Variants in ANXA5 observed in about 807,000 individuals in gnomAD.
ANXA5 encodes the protein annexin A5.
In ANXA5, 40 loss-of-function variants were observed where a neutral mutation model predicts 48.1. The ratio of observed to expected loss-of-function variants is 0.83; its 90% CI spans 0.65 to 1.08. The LOEUF (loss-of-function observed/expected upper bound fraction) is 1.08, where lower values mean the gene tolerates loss of function less well. ANXA5 is among the 50% of genes least tolerant of loss of function. ANXA5 has a pLI of 0.00. For missense variants in ANXA5, 357 were observed against 376.8 expected (o/e 0.95, Z 0.44); for synonymous variants, 113 against 129.1 (o/e 0.88, Z 0.85).
intron 8 of ANXA5, among the ~76,000 whole-genome samples, chr4:121,674,206 GA>G (rs1473315180): frequency 7.4e-5 from 7 of 95,236 alleles, no homozygotes; most frequent in Admixed American, 5.3e-4. Context: ...AGGGGAGGGA[GA>G]GGGGCGGAAA....
At chr4:121,680,717 C>G (rs967887671) in intron 6 of ANXA5, among the ~76,000 whole-genome samples, 1 of 152,110 alleles carries the variant, frequency 6.6e-6, no homozygotes, top group Admixed American at 6.6e-5. Context: ...ACGTCAACAT[C>G]CCCAGAAAGA....
intron 5 of ANXA5, 122 bp from the exon 6 acceptor site, chr4:121,681,883 T>A (rs1237778108): frequency 1.6e-6 from 1 of 620,170 alleles, no homozygotes; most frequent in Non-Finnish European, 2.8e-6. Flanking sequence ...ATAACATGGA[T>A]TTCTTTGTAT....
Position 121,684,822 on chromosome 4 carries a change from C to T in ANXA5, c.95-51G>A, listed in dbSNP as rs749720098. 16 of 1,443,636 alleles carry T rather than the reference C, an allele frequency of 1.1e-5. No homozygotes were observed. The East Asian group carries it at 3.2e-4, about 29-fold the overall frequency. 89.4% of individuals were successfully genotyped at this position (1,443,636 alleles called of 1,614,324 possible). On this transcript the variant is annotated intron_variant, in intron 3 of 12. Transcript: ENST00000296511. ...TTTTGGCTCCTACATGCATACTCTCCCAACGATCTTGGCAACTCGCTTCCC... is the reference window on the plus strand; with the variant it reads ...TTTTGGCTCCTACATGCATACTCTCTCAACGATCTTGGCAACTCGCTTCCC...
At chr4:121,672,787 C>CT (rs1724634327) in intron 8 of ANXA5, among the ~76,000 whole-genome samples, 161 bp from the exon 9 acceptor site, 1 of 152,176 alleles carries the variant, frequency 6.6e-6, no homozygotes, top group African/African-American at 2.4e-5. Flanking sequence ...ACTCAGCTCA[C>CT]TGAGTTTGGA....
In ANXA5 at chr4:121,668,486, G is replaced by A; in HGVS notation, c.945C>T (p.Leu315=). Residue 315 remains leucine, a synonymous_variant, in exon 13 of 13, where the codon CTC becomes CTT. Coordinates refer to ENST00000296511, the MANE Select transcript of ANXA5 (RefSeq NM_001154.4). ...SGDYKKALLL[L]CGEDD ...TGACACGTTAGTCATCTTCTCCACA[G>A]AGCAGCAGAAGAGCTTTCTTATAGT... 1 of 1,613,496 alleles carries A rather than the reference G, an allele frequency of 6.2e-7. No individual in the cohort carries two copies.
At chr4:121,690,326 A>G (rs1329611022) in intron 2 of ANXA5, among the ~76,000 whole-genome samples, 2 of 152,162 alleles carry the variant, frequency 1.3e-5, no homozygotes, top group African/African-American at 4.8e-5. Flanking sequence ...CAAGAAGAAA[A>G]TCCAAGGAGG....
chr4:121,690,288 C>T (rs2110490745), intron 2 of ANXA5, among the ~76,000 whole-genome samples: 1 of 152,210 alleles, frequency 6.6e-6, no homozygotes, highest in Non-Finnish European at 1.5e-5. Context: ...GGGCTCTTAC[C>T]CATGAAGCTA....
chr4:121,686,583 C>CTGTA (rs1724894940), intron 2 of ANXA5, among the ~76,000 whole-genome samples: 1 of 152,290 alleles, frequency 6.6e-6, no homozygotes, highest in African/African-American at 2.4e-5. Flanking sequence ...TCCTGATCAC[C>CTGTA]TGTAATACCA....
Position 121,672,647 on chromosome 4 carries a change from A to G in ANXA5, c.532-21T>C, listed in dbSNP as rs575361087. ...AAAGCCTGCAAAAATTTCAAACTCA[A>G]TTAATAAATTGTTCCTCCATCTCAT... On this transcript the variant is annotated intron_variant, in intron 8 of 12. Transcript: ENST00000296511. 6 of 1,571,144 alleles carry G rather than the reference A, an allele frequency of 3.8e-6. No homozygotes were observed. In the East Asian group the frequency reaches 1.1e-4, roughly 29 times the overall value.
chr4:121,690,472 T>C (rs773795989), intron 2 of ANXA5, among the ~76,000 whole-genome samples: 2 of 152,076 alleles, frequency 1.3e-5, no homozygotes, highest in Non-Finnish European at 2.9e-5. Context: ...AGATCTTTGG[T>C]GGTGTTTAAC....
In ANXA5 at chr4:121,668,661, A is replaced by G. The variant is rs1724561302; in HGVS notation, c.904-134T>C. On this transcript the variant is annotated intron_variant, in intron 12 of 12. Coordinates refer to ENST00000296511, the MANE Select transcript of ANXA5 (RefSeq NM_001154.4). ...GGGTAATCTCTGTGACTTTCACATCAGGAATGTTATGCAGGGAGTTTCCTA... is the reference window on the plus strand; with the variant it reads ...GGGTAATCTCTGTGACTTTCACATCGGGAATGTTATGCAGGGAGTTTCCTA... The G allele has an allele frequency of 4.2e-6, 3 of 711,486 alleles. No individual in the cohort carries two copies. In the Admixed American group the frequency reaches 6.6e-5, roughly 16 times the overall value. 44.1% of individuals were successfully genotyped at this position (711,486 alleles called of 1,614,324 possible). A position where few individuals can be genotyped will look rare whatever the true frequency, so the allele number is the denominator to read the frequency against.
At chr4:121,670,098 T>G in intron 10 of ANXA5, 86 bp from the exon 11 acceptor site, 1 of 940,804 alleles carries the variant, frequency 1.1e-6, no homozygotes, top group East Asian at 2.6e-5. Context: ...GCTTCCTGCT[T>G]ATAGCTCTAC....
chr4:121,676,381 C>T (rs1356117282), intron 8 of ANXA5, among the ~76,000 whole-genome samples: 1 of 152,162 alleles, frequency 6.6e-6, no homozygotes, highest in Non-Finnish European at 1.5e-5. Context: ...TTCAATAACA[C>T]TGACTATCTT....
At chr4:121,696,330 A>T (rs1488128219) in intron 2 of ANXA5, among the ~76,000 whole-genome samples, 2 of 151,978 alleles carry the variant, frequency 1.3e-5, no homozygotes, top group Non-Finnish European at 2.9e-5. Flanking sequence ...CGGCCACGTC[A>T]CCAGCTGTTG....
intron 6 of ANXA5, among the ~76,000 whole-genome samples, chr4:121,680,094 G>C (rs1724764732): frequency 6.6e-6 from 1 of 152,060 alleles, no homozygotes; most frequent in African/African-American, 2.4e-5. Flanking sequence ...TTTACTATCT[G>C]TTTCTATGAG....
chr4:121,673,903 T>C (rs149189559), intron 8 of ANXA5, among the ~76,000 whole-genome samples: 11 of 152,062 alleles, frequency 7.2e-5, no homozygotes, highest in African/African-American at 2.2e-4. Context: ...AGTTGCAGGC[T>C]AGGCATAGTG....
rs1578438940 is a variant in ANXA5 at position 121,670,068 on chromosome 4, G to A, written c.722-56C>T. 3 of 1,310,568 alleles carry A rather than the reference G, an allele frequency of 2.3e-6. No individual in the cohort carries two copies. In the East Asian group the frequency reaches 7.2e-5, roughly 31 times the overall value. The allele number at this position is 1,310,568 out of a possible 1,614,324, so 81.2% of individuals were successfully genotyped here. On this transcript the variant is annotated intron_variant, in intron 10 of 12. Coordinates refer to ENST00000296511, the MANE Select transcript of ANXA5 (RefSeq NM_001154.4). ...GCTATTTTGATATGTAAAGGATTAA[G>A]TAATTAAAAATCAAGTGCTGCTTCC...
At chr4:121,672,449 A>G in intron 9 of ANXA5, 84 bp downstream of exon 9, 1 of 881,796 alleles carries the variant, frequency 1.1e-6, no homozygotes, top group Non-Finnish European at 1.9e-6. Flanking sequence ...AGTCCCTGCT[A>G]TGTAGCAGGT....
intron 10 of ANXA5, 57 bp downstream of exon 10, chr4:121,671,490 G>C: frequency 1.5e-6 from 2 of 1,295,922 alleles, no homozygotes; most frequent in Non-Finnish European, 2.2e-6. Context: ...AGCCTCAATT[G>C]AATAAAATGC....
Sources: allele counts gnomAD v4.1 joint callset (sites outside exome capture counted in the v4.1 genomes callset), GRCh38; gene constraint gnomAD v4.1.1; transcripts MANE v1.5; gene names NCBI Gene and HGNC (gene_info 2026-07-23, HGNC 2026-07-21).